Variants in PACSIN1 observed in about 807,000 individuals in gnomAD.
The protein encoded by PACSIN1 is protein kinase C and casein kinase substrate in neurons protein 1.
Under a neutral mutation model 59.5 loss-of-function variants are expected in PACSIN1, and 15 were observed. That is an observed-to-expected ratio of 0.25 (90% confidence interval 0.17 to 0.39). The LOEUF (loss-of-function observed/expected upper bound fraction) is 0.39. Ranked by LOEUF, PACSIN1 falls within the 10% of genes least tolerant of loss-of-function variation. The pLI is 1.00. For synonymous variants in PACSIN1, 210 were observed against 220.6 expected, an observed-to-expected ratio of 0.95 and a Z score of 0.42; for missense variants, 420 against 580.2, an observed-to-expected ratio of 0.72 and a Z score of 2.84.
At chr6:34,492,136 A>G (rs1385070539) in intron 1 of PACSIN1, among the ~76,000 whole-genome samples, 2 of 151,410 alleles carry the variant, frequency 1.3e-5, no homozygotes, top group African/African-American at 4.9e-5. Flanking sequence ...CATTCCCACC[A>G]ACAGTGTATA....
intron 1 of PACSIN1, among the ~76,000 whole-genome samples, chr6:34,466,855 C>G (rs549568245): frequency 6.6e-6 from 1 of 152,308 alleles, no homozygotes; most frequent in South Asian, 2.1e-4. Context: ...ACTGCCCTCC[C>G]CTGCAAGCCC....
Position 34,528,833 on chromosome 6 carries a change from G to A in PACSIN1, c.412G>A (p.Gly138Ser). Reference protein sequence around the residue: ...GFKETKEAEDGFRKAQKPWAK... With the variant: ...GFKETKEAEDSFRKAQKPWAK... ...CAAGGAGACGAAGGAGGCTGAAGAT[G>A]GCTTCCGCAAGGCCCAGAAGCCTTG... is the stretch of plus-strand genomic sequence containing the variant. The change falls in exon 4 of 10, where the codon GGC (glycine) becomes AGC (serine). Residue 138 changes from glycine to serine, a missense_variant. By Grantham distance (56) the Gly-to-Ser change is moderately conservative. Coordinates refer to ENST00000244458, the MANE Select transcript of PACSIN1 (RefSeq NM_020804.5). 4 of 1,613,470 alleles carry A rather than the reference G, an allele frequency of 2.5e-6. No homozygotes were observed. The highest frequency in any genetic ancestry group is 3.4e-6 in the Non-Finnish European group (4 of 1,179,952).
chr6:34,513,569 G>C (rs572323923), intron 1 of PACSIN1, among the ~76,000 whole-genome samples: 26 of 152,252 alleles, frequency 1.7e-4, no homozygotes, highest in African/African-American at 6.3e-4. Context: ...AAGTCTAGAA[G>C]CCTGTGTGAA....
chr6:34,505,580 T>C (rs1767099638), intron 1 of PACSIN1, among the ~76,000 whole-genome samples: 1 of 151,386 alleles, frequency 6.6e-6, no homozygotes, highest in Non-Finnish European at 1.5e-5. Context: ...GGGTAATTTC[T>C]ATTGTTCTAT....
At chr6:34,497,909 G>A (rs188532046) in intron 1 of PACSIN1, among the ~76,000 whole-genome samples, 60 of 152,242 alleles carry the variant, frequency 3.9e-4, no homozygotes, top group Non-Finnish European at 6.8e-4. Flanking sequence ...TAATACAATT[G>A]GGACTAAGAT....
At chr6:34,474,845 C>T (rs559245789) in intron 1 of PACSIN1, among the ~76,000 whole-genome samples, 12 of 150,536 alleles carry the variant, frequency 8.0e-5, no homozygotes, top group Admixed American at 6.6e-5. Flanking sequence ...CCATGTGATC[C>T]GGCTGCCCAA....
chr6:34,495,847 T>C (rs1160448506), intron 1 of PACSIN1, among the ~76,000 whole-genome samples: 1 of 152,210 alleles, frequency 6.6e-6, no homozygotes, highest in Non-Finnish European at 1.5e-5. Context: ...TCTCCCCCGT[T>C]TCTAAAGGAG....
chr6:34,473,723 C>A (rs1766602770), intron 1 of PACSIN1, among the ~76,000 whole-genome samples: 1 of 152,144 alleles, frequency 6.6e-6, no homozygotes, highest in Admixed American at 6.5e-5. Flanking sequence ...TATTTGCAAA[C>A]TTTTTATTGT....
intron 1 of PACSIN1, among the ~76,000 whole-genome samples, chr6:34,523,216 T>C (rs1169372504): frequency 6.6e-6 from 1 of 152,244 alleles, no homozygotes; most frequent in Non-Finnish European, 1.5e-5. Context: ...AGCTCCCACA[T>C]GCAGTGCTGT....
intron 1 of PACSIN1, among the ~76,000 whole-genome samples, chr6:34,475,546 C>T (rs772753029): frequency 3.3e-5 from 5 of 152,180 alleles, no homozygotes; most frequent in Non-Finnish European, 7.4e-5. Flanking sequence ...GACAAGGGGC[C>T]AGGCCTTTGT....
In PACSIN1 at chr6:34,529,591, C is replaced by T. The variant is rs750554750; in HGVS notation, c.612+39C>T. The T allele has an allele frequency of 4.3e-6, 7 of 1,612,620 alleles. No individual in the cohort carries two copies. In the South Asian group the frequency reaches 5.5e-5, roughly 13 times the overall value. The stretch of plus-strand genomic sequence containing the variant: ...GGGATGGCAGTAGGGGGTCTGGGGG[C>T]CCCTTGCAGAGGGTGGTGGCTGGGA... On this transcript the variant is annotated intron_variant, in intron 5 of 9. Transcript: ENST00000244458. This position sits in a 1 kb window ranked among gnomAD's most constrained non-coding sequence, Gnocchi z 6.3.
At position 34,528,884 on chromosome 6, in the gene PACSIN1, A is replaced by G; in HGVS notation, c.456+7A>G. ...GGCCAAGAAGATGAAGGAGGTGCTC[A>G]GTGGGTGCTGCCACGGGCGGGGTGG... On this transcript the variant is annotated splice_region_variant and intron_variant, in intron 4 of 9. Coordinates refer to ENST00000244458, the MANE Select transcript of PACSIN1 (RefSeq NM_020804.5). The G allele has an allele frequency of 2.9e-5, 15 of 524,334 alleles. No homozygotes were observed. The highest frequency in any genetic ancestry group is 4.0e-5 in the Non-Finnish European group (12 of 302,698). 32.5% of individuals were successfully genotyped at this position (524,334 alleles called of 1,614,324 possible).
rs1428251348 is a variant in PACSIN1, at chr6:34,521,084, A to C, written c.-63-5159A>C. ...TACTATGTTGCCGGCACTGCACTGG[A>C]TGCTGGAAATACGGCAGATAACCAG... On this transcript the variant is annotated intron_variant, in intron 1 of 9. Transcript: ENST00000244458. This position sits in a 1 kb window ranked among gnomAD's most constrained non-coding sequence, Gnocchi z 4.3. Among the ~76,000 whole-genome samples, 2 of 152,226 alleles carry C rather than the reference A, an allele frequency of 1.3e-5. No homozygotes were observed. Among genetic ancestry groups the C allele is most frequent in the Non-Finnish European group, 2.9e-5 (2 of 68,038 alleles).
chr6:34,486,566 C>G (rs1766797200), intron 1 of PACSIN1, among the ~76,000 whole-genome samples: 1 of 152,162 alleles, frequency 6.6e-6, no homozygotes, highest in African/African-American at 2.4e-5. Context: ...AAGTGATGTC[C>G]CAAGGCCAGA....
At position 34,531,822 on chromosome 6, in the gene PACSIN1, G is replaced by T. The variant is rs1181767810; in HGVS notation, c.1225+35G>T. On this transcript the variant is annotated intron_variant, in intron 9 of 9. Transcript: ENST00000244458. This position sits in a 1 kb window ranked among gnomAD's most constrained non-coding sequence, Gnocchi z 4.4. ...CTGGGCGGGGCAGTGCCTGAGAGAG[G>T]CTTGGGCCTGGATTGGGTGTGTGGT... is the stretch of plus-strand genomic sequence containing the variant. The T allele has an allele frequency of 7.8e-6, 12 of 1,532,144 alleles. No homozygotes were observed. The East Asian group carries it at 2.7e-4, about 35-fold the overall frequency. 94.9% of individuals were successfully genotyped at this position (1,532,144 alleles called of 1,614,324 possible).
rs1359706797 is a variant in PACSIN1, at chr6:34,530,887, A to G, written c.1037+300A>G. Among the ~76,000 whole-genome samples, 1 of 152,204 alleles carries G rather than the reference A, an allele frequency of 6.6e-6. No individual in the cohort carries two copies. The highest frequency in any genetic ancestry group is 2.4e-5 in the African/African-American group (1 of 41,448). On this transcript the variant is annotated intron_variant, in intron 8 of 9. Coordinates refer to ENST00000244458, the MANE Select transcript of PACSIN1 (RefSeq NM_020804.5). This position sits in a 1 kb window ranked among gnomAD's most constrained non-coding sequence, Gnocchi z 4.4. Reference sequence around the variant, plus strand: ...GGAACGTGCAACCTGGATCCCTCGCATGCGCAGTTCACAATAGGGGGGTTG... The same window carrying G: ...GGAACGTGCAACCTGGATCCCTCGCGTGCGCAGTTCACAATAGGGGGGTTG...
At chr6:34,504,978 G>GTTATTA (rs765883996) in intron 1 of PACSIN1, among the ~76,000 whole-genome samples, 1 of 150,948 alleles carries the variant, frequency 6.6e-6, no homozygotes, top group East Asian at 1.9e-4. Flanking sequence ...GTTTTTCCCT[G>GTTATTA]TTATTATTAT....
chr6:34,467,425 T>G (rs903519628), intron 1 of PACSIN1, among the ~76,000 whole-genome samples: 2 of 152,304 alleles, frequency 1.3e-5, no homozygotes, highest in African/African-American at 4.8e-5. Context: ...AATGAGTGAA[T>G]GTAAACTCTG....
In PACSIN1 at chr6:34,488,318, C is replaced by T. The variant is rs1766824552; in HGVS notation, c.-64+22048C>T. Among the ~76,000 whole-genome samples the T allele has an allele frequency of 6.6e-6, 1 of 152,184 alleles. No individual in the cohort carries two copies. Among genetic ancestry groups the T allele is most frequent in the Admixed American group, 6.5e-5 (1 of 15,284 alleles). On this transcript the variant is annotated intron_variant, in intron 1 of 9. Transcript: ENST00000244458. The surrounding 1 kb of genome is among the most constrained non-coding windows in gnomAD (Gnocchi z 4.7). ...TCTTCCCTGCCCCTTGCCATACAAA[C>T]AGTGTGAGGCTTGTACAGAAGGCCC...
Sources: gnomAD v4.1 joint callset for allele counts (sites outside exome capture counted in the v4.1 genomes callset) on GRCh38, gnomAD v4.1.1 for gene constraint, Gnocchi (gnomAD v3.1) non-coding constraint, MANE v1.5 for transcripts, NCBI Gene and HGNC (gene_info 2026-07-23, HGNC 2026-07-21) for gene names.